The following SLC25A24 variants were observed in gnomAD, a reference collection of about 807,000 sequenced individuals.
SLC25A24 encodes solute carrier family 25 member 24.
SLC25A24 carries 49 observed loss-of-function variants against 60.7 expected under a neutral mutation model. The ratio of observed to expected loss-of-function variants is 0.81; its 90% CI spans 0.64 to 1.02. The LOEUF (loss-of-function observed/expected upper bound fraction) is 1.02. Among genes scored for constraint, SLC25A24 ranks in the 50% least tolerant of loss-of-function variants. The pLI is 0.00. For synonymous variants in SLC25A24, 202 were observed against 200.6 expected (o/e 1.01, Z -0.06); for missense variants, 564 against 586.3 (o/e 0.96, Z 0.39).
At chr1:108,160,001 G>C (rs1571289735) in intron 4 of SLC25A24, among the ~76,000 whole-genome samples, 2 of 152,244 alleles carry the variant, frequency 1.3e-5, no homozygotes, top group Non-Finnish European at 2.9e-5. Context: ...AGATGGGGTG[G>C]TGGCCGGGCA....
At position 108,199,978 on chromosome 1, in the gene SLC25A24, G is replaced by A; in HGVS notation, c.161C>T (p.Pro54Leu). 1 of 1,610,232 alleles carries A rather than the reference G, an allele frequency of 6.2e-7. No homozygotes were observed. Among genetic ancestry groups the A allele is most frequent in the South Asian group, 1.1e-5 (1 of 89,958 alleles). ...LQEGLRNLGI[P>L]LGQDAEEKIF... ...CACCTCCTCGGCGTCCTGGCCCAGA[G>A]GGATGCCCAGGTTCCTGAGCCCCTC... is the stretch of plus-strand genomic sequence containing the variant. Residue 54 changes from proline to leucine, a missense_variant, in exon 1 of 10, where the codon CCT becomes CTT. Transcript: ENST00000565488.
intron 7 of SLC25A24, among the ~76,000 whole-genome samples, chr1:108,147,437 T>G (rs1043040609): frequency 2.0e-5 from 3 of 152,236 alleles, no homozygotes; most frequent in Non-Finnish European, 4.4e-5. Context: ...CTTAGCTACT[T>G]CTTGTCTTCC....
Position 108,181,986 on chromosome 1 carries a change from A to G in SLC25A24, c.353T>C (p.Leu118Pro). 6.2e-7 allele frequency: 1 copy of G among 1,613,074 alleles called. No individual in the cohort carries two copies. ...TTGTTGTTCAGAAATAGTCAGACCC[A>G]GTGTCTGGAGAGACTGGACAATTTC... is the stretch of plus-strand genomic sequence containing the variant. ...ASEIVQSLQT[L>P]GLTISEQQAE... The change falls in exon 3 of 10, where the codon CTG (leucine) becomes CCG (proline). Residue 118 changes from leucine to proline, a missense_variant. By Grantham distance (98) the Leu-to-Pro change is moderately conservative (BLOSUM62 -3). Coordinates refer to ENST00000565488, the MANE Select transcript of SLC25A24 (RefSeq NM_013386.5).
chr1:108,155,398 A>C (rs1679869281), intron 5 of SLC25A24, among the ~76,000 whole-genome samples: 1 of 152,104 alleles, frequency 6.6e-6, no homozygotes, highest in African/African-American at 2.4e-5. Context: ...AAGAGTATTA[A>C]AATTATGAAC....
At chr1:108,194,855 ACATTTGAGGCCTCCAGG>A (rs1648444211) in intron 1 of SLC25A24, among the ~76,000 whole-genome samples, 1 of 152,236 alleles carries the variant, frequency 6.6e-6, no homozygotes. Flanking sequence ...TTCCTAGTTA[ACATTTGAGGCCTCCAGG>A]CATTAAATAA....
At chr1:108,199,737 C>T (rs571690711) in intron 1 of SLC25A24, 3 of 590,410 alleles carry the variant, frequency 5.1e-6, no homozygotes, top group South Asian at 2.0e-5. Flanking sequence ...TTTATCTGGA[C>T]AAATACCAGT....
At chr1:108,159,758 G>C (rs1388728572) in intron 4 of SLC25A24, among the ~76,000 whole-genome samples, 1 of 151,652 alleles carries the variant, frequency 6.6e-6, no homozygotes, top group Non-Finnish European at 1.5e-5. Flanking sequence ...CACAGCACAT[G>C]TTTCAGAGAG....
At chr1:108,139,616 A>C (rs1355508289) in intron 8 of SLC25A24, among the ~76,000 whole-genome samples, 1 of 152,198 alleles carries the variant, frequency 6.6e-6, no homozygotes, top group Non-Finnish European at 1.5e-5. Flanking sequence ...AGAAAAATTC[A>C]TCTCAGCGGA....
chr1:108,192,868 T>C, intron 1 of SLC25A24: 2 of 885,800 alleles, frequency 2.3e-6, no homozygotes, highest in Non-Finnish European at 2.9e-6. Flanking sequence ...GGGACCGCAC[T>C]CTGGGCTGCG....
Position 108,185,827 on chromosome 1 carries a change from C to T in SLC25A24, c.310+1G>A. On this transcript the variant is annotated splice_donor_variant, in intron 2 of 9. Coordinates refer to ENST00000565488, the MANE Select transcript of SLC25A24 (RefSeq NM_013386.5). LOFTEE classifies it high-confidence loss of function. ...GTGATAAATACAAAAGAAAGACACACCATCATTATTTTTGTCTAAACTCTT... is the reference window on the plus strand; with the variant it reads ...GTGATAAATACAAAAGAAAGACACATCATCATTATTTTTGTCTAAACTCTT... 6.3e-7 allele frequency: 1 copy of T among 1,583,416 alleles called. No individual in the cohort carries two copies. Among genetic ancestry groups the T allele is most frequent in the Non-Finnish European group, 8.6e-7 (1 of 1,158,760 alleles).
intron 5 of SLC25A24, among the ~76,000 whole-genome samples, chr1:108,155,829 T>C (rs1346279138): frequency 6.6e-6 from 1 of 152,180 alleles, no homozygotes; most frequent in Non-Finnish European, 1.5e-5. Context: ...CACTTAAAAA[T>C]ACTGTACCTT....
At chr1:108,140,661 A>C (rs1173745383) in intron 8 of SLC25A24, among the ~76,000 whole-genome samples, 2 of 152,138 alleles carry the variant, frequency 1.3e-5, no homozygotes, top group Non-Finnish European at 2.9e-5. Context: ...TATGTAAAGA[A>C]ATAGAGTTTT....
chr1:108,182,820 G>A (rs963293715), intron 2 of SLC25A24, among the ~76,000 whole-genome samples: 18 of 152,018 alleles, frequency 1.2e-4, no homozygotes, highest in African/African-American at 4.3e-4. Context: ...GTGACAGAGT[G>A]AGACTCCATC....
chr1:108,197,689 G>C (rs1291009914), intron 1 of SLC25A24, among the ~76,000 whole-genome samples: 1 of 152,362 alleles, frequency 6.6e-6, no homozygotes, highest in Non-Finnish European at 1.5e-5. Context: ...GAGGAGGGTA[G>C]CATTTGAATC....
At chr1:108,143,428 G>C (rs1203669240) in intron 8 of SLC25A24, 115 bp downstream of exon 8, 4 of 850,940 alleles carry the variant, frequency 4.7e-6, no homozygotes, top group Non-Finnish European at 7.2e-6. Context: ...ACACATGCTT[G>C]AATTTACTTC....
At chr1:108,152,774 T>C (rs1340905915) in intron 6 of SLC25A24, among the ~76,000 whole-genome samples, 2 of 152,228 alleles carry the variant, frequency 1.3e-5, no homozygotes, top group Non-Finnish European at 2.9e-5. Flanking sequence ...TACAAGTAGC[T>C]ACTGCCTAAG....
chr1:108,178,548 C>T (rs1022612159), intron 3 of SLC25A24, among the ~76,000 whole-genome samples: 10 of 152,174 alleles, frequency 6.6e-5, no homozygotes, highest in African/African-American at 2.2e-4. Context: ...GGCGCGGTGG[C>T]TCACGCCTGT....
At chr1:108,191,423 C>A (rs1437814708) in intron 1 of SLC25A24, among the ~76,000 whole-genome samples, 2 of 140,354 alleles carry the variant, frequency 1.4e-5, no homozygotes, top group African/African-American at 5.0e-5. Flanking sequence ...AGCCACTGCA[C>A]CTGAACAAGA....
At chr1:108,142,516 C>A (rs913520616) in intron 8 of SLC25A24, among the ~76,000 whole-genome samples, 2 of 152,066 alleles carry the variant, frequency 1.3e-5, no homozygotes, top group African/African-American at 4.8e-5. Context: ...ATAAATCAGA[C>A]ACAAAAAGAA....
Sources: gnomAD v4.1 joint callset for allele counts (sites outside exome capture counted in the v4.1 genomes callset) on GRCh38, gnomAD v4.1.1 for gene constraint, MANE v1.5 for transcripts, NCBI Gene and HGNC (gene_info 2026-07-23, HGNC 2026-07-21) for gene names.